The following SLC5A12 variants were observed in gnomAD, a reference collection of about 807,000 sequenced individuals.
The protein encoded by SLC5A12 is sodium-coupled monocarboxylate transporter 2.
A neutral mutation model predicts 72.7 loss-of-function variants in SLC5A12; 46 were observed. The observed-to-expected ratio is 0.63, with a 90% CI of 0.50 to 0.81. SLC5A12 has a LOEUF of 0.81. Ranked by LOEUF, SLC5A12 falls within the 30% of genes least tolerant of loss-of-function variation. The pLI is 0.00. For missense variants in SLC5A12, 683 were observed against 740.7 expected, an observed-to-expected ratio of 0.92 and a Z score of 0.90; for synonymous variants, 275 against 264.4, an observed-to-expected ratio of 1.04 and a Z score of -0.39.
intron 13 of SLC5A12, 21 bp from the exon 14 acceptor site, chr11:26,673,550 A>AGATTAGAT (rs1442266417): frequency 6.3e-7 from 1 of 1,581,902 alleles, no homozygotes; most frequent in African/African-American, 1.4e-5. Flanking sequence ...AAGAACAAAT[A>AGATTAGAT]GATTAGATGG....
At chr11:26,694,862 A>T (rs1032846902) in intron 8 of SLC5A12, among the ~76,000 whole-genome samples, 4 of 152,200 alleles carry the variant, frequency 2.6e-5, no homozygotes, top group Non-Finnish European at 5.9e-5. Flanking sequence ...ATTCTCAAAT[A>T]TAAATAATAC....
rs1855167070 is a variant in SLC5A12, at chr11:26,709,382, A to G, written c.458-3T>C. On this transcript the variant is annotated splice_region_variant and splice_polypyrimidine_tract_variant and intron_variant, in intron 3 of 14. Coordinates refer to ENST00000396005, the MANE Select transcript of SLC5A12 (RefSeq NM_178498.4). The stretch of plus-strand genomic sequence containing the variant: ...GCCCCAGAGATCAAACCCAGTCACT[A>G]GGAAAGAAGAAAAAAATATTAAAAG... The G allele has an allele frequency of 1.2e-6, 2 of 1,604,836 alleles. No homozygotes were observed. The highest frequency in any genetic ancestry group is 1.7e-6 in the Non-Finnish European group (2 of 1,175,682).
chr11:26,721,984 T>TG lies in SLC5A12; in HGVS notation c.-271dup, dbSNP rs1483073281. The TG allele has an allele frequency of 2.0e-5, 9 of 459,918 alleles. No homozygotes were observed. The highest frequency in any genetic ancestry group is 3.1e-5 in the Non-Finnish European group (8 of 257,282). The allele number at this position is 459,918 out of a possible 1,614,324, so 28.5% of individuals were successfully genotyped here. On this transcript the variant is annotated 5_prime_UTR_variant, in exon 1 of 15. Transcript: ENST00000396005. ...AATCTGACCCTAGCTAAGAGCTGTCTGCTCCTCTCCTAAAGCATATGCCAC... is the reference window on the plus strand; with the variant it reads ...AATCTGACCCTAGCTAAGAGCTGTCTGGCTCCTCTCCTAAAGCATATGCCAC...
chr11:26,703,440 ACACACACC>A (rs1256318734), intron 6 of SLC5A12, 83 bp downstream of exon 6: 15 of 1,371,776 alleles, frequency 1.1e-5, no homozygotes, highest in African/African-American at 7.9e-5. Flanking sequence ...ACACACACAC[ACACACACC>A]CCCCAAGAGG....
intron 13 of SLC5A12, among the ~76,000 whole-genome samples, chr11:26,675,520 C>T (rs1275542218): frequency 6.6e-6 from 1 of 152,042 alleles, no homozygotes; most frequent in Non-Finnish European, 1.5e-5. Flanking sequence ...CAAGAGACTA[C>T]AGGACTGTAG....
At chr11:26,693,251 A>C (rs1474449961) in intron 8 of SLC5A12, among the ~76,000 whole-genome samples, 1 of 152,206 alleles carries the variant, frequency 6.6e-6, no homozygotes, top group Non-Finnish European at 1.5e-5. Context: ...AAATCCATGC[A>C]AAGTGGGAAA....
rs1854125161 is a variant in SLC5A12, at chr11:26,670,955, T to A, written c.*147A>T. On this transcript the variant is annotated 3_prime_UTR_variant, in exon 15 of 15. Coordinates refer to ENST00000396005, the MANE Select transcript of SLC5A12 (RefSeq NM_178498.4). Reference sequence around the variant, plus strand: ...GAGACAGTCATTTTGCATGTAGTTATAAATAAGTAGAAATAGGCACCAGAC... The same window carrying A: ...GAGACAGTCATTTTGCATGTAGTTAAAAATAAGTAGAAATAGGCACCAGAC... 1.5e-6 allele frequency: 1 copy of A among 649,138 alleles called. No homozygotes were observed. The highest frequency in any genetic ancestry group is 1.9e-5 in the African/African-American group (1 of 53,174). 40.2% of individuals were successfully genotyped at this position (649,138 alleles called of 1,614,324 possible).
chr11:26,668,794 G>T lies in SLC5A12; in HGVS notation c.*2308C>A, dbSNP rs1053128540. The T allele has an allele frequency of 1.3e-5, 2 of 151,956 alleles. No individual in the cohort carries two copies. The highest frequency in any genetic ancestry group is 2.9e-5 in the Non-Finnish European group (2 of 67,976). The allele number at this position is 151,956 out of a possible 1,614,324, so 9.4% of individuals were successfully genotyped here. A position where few individuals can be genotyped will look rare whatever the true frequency, so the allele number is the denominator to read the frequency against. ...ATTTCATTACACAAGAGAAGGCAGA[G>T]ATATTTTTATAATAATAATTGCATT... is the stretch of plus-strand genomic sequence containing the variant. On this transcript the variant is annotated 3_prime_UTR_variant, in exon 15 of 15. Coordinates refer to ENST00000396005, the MANE Select transcript of SLC5A12 (RefSeq NM_178498.4).
chr11:26,703,808 C>T lies in SLC5A12; in HGVS notation c.665G>A (p.Arg222Gln), dbSNP rs773003900. The change falls in exon 5 of 15, where the codon CGA becomes CAA. Residue 222 changes from arginine (R) to glutamine (Q), a missense_variant. Arg to Gln is a conservative substitution (Grantham distance 43). Transcript: ENST00000396005. The stretch of plus-strand genomic sequence containing the variant: ...TTGGACATACTCAAATATATGTAGT[C>T]GAGATCCATTTGTTGATTGCTCTAA... ...NVLEQSTNGS[R>Q]LHIFDFDVDP... The T allele has an allele frequency of 2.5e-6, 4 of 1,613,844 alleles. No homozygotes were observed. The highest frequency in any genetic ancestry group is 1.7e-5 in the Admixed American group (1 of 59,996).
intron 4 of SLC5A12, among the ~76,000 whole-genome samples, chr11:26,708,259 A>G (rs1306823454): frequency 6.6e-6 from 1 of 152,052 alleles, no homozygotes; most frequent in Non-Finnish European, 1.5e-5. Context: ...TCTTCTCTGG[A>G]CAGGTACCTC....
At chr11:26,718,254 C>A (rs1305738371) in intron 1 of SLC5A12, among the ~76,000 whole-genome samples, 2 of 152,130 alleles carry the variant, frequency 1.3e-5, no homozygotes, top group Non-Finnish European at 2.9e-5. Flanking sequence ...TTACTATTTG[C>A]CAGGCTCTGT....
intron 1 of SLC5A12, among the ~76,000 whole-genome samples, chr11:26,717,006 T>G (rs117014876): frequency 0.018 from 2,808 of 152,268 alleles, 40 homozygotes; most frequent in Non-Finnish European, 0.028. Flanking sequence ...TAACGTTGGT[T>G]CAGACCCTAA....
rs1854037374 is a variant in SLC5A12 at position 26,667,932 on chromosome 11, C to T, written c.*3170G>A. The T allele has an allele frequency of 6.6e-6, 1 of 151,906 alleles. No homozygotes were observed. Among genetic ancestry groups the T allele is most frequent in the African/African-American group, 2.4e-5 (1 of 41,382 alleles). The allele number at this position is 151,906 out of a possible 1,614,324, so 9.4% of individuals were successfully genotyped here. A position where few individuals can be genotyped will look rare whatever the true frequency, so the allele number is the denominator to read the frequency against. Reference sequence around the variant, plus strand: ...AAACCATTTAAGTTAACATGTACACCATTTTCTTCATATACTGCAGACCAA... The same window carrying T: ...AAACCATTTAAGTTAACATGTACACTATTTTCTTCATATACTGCAGACCAA... On this transcript the variant is annotated 3_prime_UTR_variant, in exon 15 of 15. Transcript: ENST00000396005.
chr11:26,689,292 G>A (rs1001734085), intron 9 of SLC5A12, among the ~76,000 whole-genome samples: 3 of 152,172 alleles, frequency 2.0e-5, no homozygotes, highest in East Asian at 1.9e-4. Flanking sequence ...CAGCTACTCC[G>A]CAGGCTGAGG....
chr11:26,684,288 A>G (rs1854477620), intron 10 of SLC5A12, among the ~76,000 whole-genome samples: 1 of 152,138 alleles, frequency 6.6e-6, no homozygotes, highest in Non-Finnish European at 1.5e-5. Context: ...TTCTTGACAA[A>G]ATGGAGGCAG....
chr11:26,707,818 A>G (rs1855126456), intron 4 of SLC5A12, among the ~76,000 whole-genome samples: 1 of 151,976 alleles, frequency 6.6e-6, no homozygotes, highest in Admixed American at 6.6e-5. Context: ...TGTTAAAGTT[A>G]TTGTTAGATC....
chr11:26,671,330 C>G (rs572284135), intron 14 of SLC5A12, 79 bp from the exon 15 acceptor site: 1 of 1,321,116 alleles, frequency 7.6e-7, no homozygotes, highest in African/African-American at 1.5e-5. Context: ...CTTGTTTAGG[C>G]CTTGGCTTCA....
intron 8 of SLC5A12, among the ~76,000 whole-genome samples, chr11:26,696,084 C>G (rs557630148): frequency 6.6e-6 from 1 of 152,304 alleles, no homozygotes; most frequent in South Asian, 2.1e-4. Context: ...GACTTCACCT[C>G]TCTCTAGGAT....
chr11:26,695,954 T>C (rs996778545), intron 8 of SLC5A12, among the ~76,000 whole-genome samples: 7 of 152,170 alleles, frequency 4.6e-5, no homozygotes, highest in Non-Finnish European at 1.5e-5. Context: ...CCCCTGCCTG[T>C]AAATGTTCCT....
Sources: allele counts gnomAD v4.1 joint callset (sites outside exome capture counted in the v4.1 genomes callset), GRCh38; gene constraint gnomAD v4.1.1; transcripts MANE v1.5; gene names NCBI Gene and HGNC (gene_info 2026-07-23, HGNC 2026-07-21).